SLC5A3: variants seen among roughly 807,000 people sequenced by gnomAD.
The protein encoded by SLC5A3 is sodium/myo-inositol cotransporter.
In SLC5A3, 10 loss-of-function variants were observed where a neutral mutation model predicts 43.2. The observed-to-expected ratio is 0.23, with a 90% confidence interval of 0.14 to 0.39. The LOEUF is 0.39. Ranked by LOEUF, SLC5A3 falls within the 10% of genes least tolerant of loss-of-function variation. The pLI, the probability that SLC5A3 is intolerant of heterozygous loss-of-function variation, is 1.00. For synonymous variants in SLC5A3, 349 were observed against 322.0 expected (o/e 1.08, Z -0.90); for missense variants, 608 against 893.4 (o/e 0.68, Z 4.07).
intron 1 of SLC5A3, among the ~76,000 whole-genome samples, chr21:34,091,797 C>T (rs1978707576): frequency 6.6e-6 from 1 of 152,214 alleles, no homozygotes; most frequent in Non-Finnish European, 1.5e-5. Context: ...TAAATCTGCT[C>T]ATCACCACTA....
chr21:34,075,544 CAAA>C (rs753570977), intron 1 of SLC5A3, among the ~76,000 whole-genome samples: 3 of 148,434 alleles, frequency 2.0e-5, no homozygotes, highest in Non-Finnish European at 4.5e-5. Context: ...GGAAGGGGGG[CAAA>C]AAAAAGAAAA....
Position 34,099,955 on chromosome 21 carries a change from C to A in SLC5A3, c.*2600C>A, listed in dbSNP as rs535887067. 22 of 442,706 alleles carry A rather than the reference C, an allele frequency of 5.0e-5. No homozygotes were observed. In the Admixed American group the frequency reaches 1.0e-3, roughly 21 times the overall value. The allele number at this position is 442,706 out of a possible 1,614,324, so 27.4% of individuals were successfully genotyped here. ...AGGGACCAGTCTTCAATCTATATTT[C>A]ATTAGAATGATTGTTCCTGGAATGA... is the stretch of plus-strand genomic sequence containing the variant. On this transcript the variant is annotated 3_prime_UTR_variant, in exon 2 of 2. Transcript: ENST00000381151.
rs1979286373 is a variant in SLC5A3, at chr21:34,102,455, A to G, written c.*5100A>G. 9 of 1,000,166 alleles carry G rather than the reference A, an allele frequency of 9.0e-6. No individual in the cohort carries two copies. The highest frequency in any genetic ancestry group is 1.7e-5 in the African/African-American group (1 of 57,358). The allele number at this position is 1,000,166 out of a possible 1,614,324, so 62.0% of individuals were successfully genotyped here. A position where few individuals can be genotyped will look rare whatever the true frequency, so the allele number is the denominator to read the frequency against. On this transcript the variant is annotated 3_prime_UTR_variant, in exon 2 of 2. Transcript: ENST00000381151. The stretch of plus-strand genomic sequence containing the variant: ...TTTGGGGTAAGCACCTAATTTATCC[A>G]GTAACCAACAACCCTAACCATTGGC...
Position 34,096,285 on chromosome 21 carries a change from C to T in SLC5A3, c.1087C>T (p.Leu363Phe). The T allele has an allele frequency of 6.2e-7, 1 of 1,614,134 alleles. No homozygotes were observed. The highest frequency in any genetic ancestry group is 8.5e-7 in the Non-Finnish European group (1 of 1,180,016). Residue 363 changes from leucine to phenylalanine, a missense_variant, in exon 2 of 2, where the codon CTT becomes TTT. By Grantham distance (22) the Leu-to-Phe change is conservative. Transcript: ENST00000381151. The surrounding 1 kb of genome is among the most constrained non-coding windows in gnomAD (Gnocchi z 5.9). ...RLVMKLVPVG[L>F]RGLMMAVMIA... ...GGTGATGAAGCTGGTTCCTGTGGGC[C>T]TTCGGGGTTTAATGATGGCAGTGAT...
chr21:34,095,213 G>C lies in SLC5A3; in HGVS notation c.15G>C (p.Leu5=). The change falls in exon 2 of 2, where the codon CTG becomes CTC. Residue 5 remains leucine, a synonymous_variant. Transcript: ENST00000381151. ...AAGTTACCAGAATGAGAGCTGTACT[G>C]GACACAGCAGACATTGCCATAGTGG... is the stretch of plus-strand genomic sequence containing the variant. The part of the protein sequence containing the change: MRAV[L]DTADIAIVAL... 6.2e-7 allele frequency: 1 copy of C among 1,610,506 alleles called. No homozygotes were observed. Among genetic ancestry groups the C allele is most frequent in the African/African-American group, 1.3e-5 (1 of 75,004 alleles).
intron 1 of SLC5A3, among the ~76,000 whole-genome samples, chr21:34,087,289 T>C (rs1419551220): frequency 1.8e-5 from 1 of 55,592 alleles, no homozygotes; most frequent in Non-Finnish European, 3.4e-5. Flanking sequence ...TTAATCTGCA[T>C]CTCTTGTTGC....
chr21:34,088,985 T>A (rs1276274542), intron 1 of SLC5A3, among the ~76,000 whole-genome samples: 2 of 152,168 alleles, frequency 1.3e-5, no homozygotes, highest in Non-Finnish European at 2.9e-5. Flanking sequence ...CACAAATGTT[T>A]GGTTAAGATT....
At position 34,105,335 on chromosome 21, in the gene SLC5A3, A is replaced by G; in HGVS notation, c.*7980A>G. ...TTTTCTTTTTGATAAGATGGATATC[A>G]AAAATAGTTGCTGTGCAAAAGTTAG... is the stretch of plus-strand genomic sequence containing the variant. On this transcript the variant is annotated 3_prime_UTR_variant, in exon 2 of 2. Coordinates refer to ENST00000381151, the MANE Select transcript of SLC5A3 (RefSeq NM_006933.7). 1.0e-6 allele frequency: 1 copy of G among 999,796 alleles called. No individual in the cohort carries two copies. Among genetic ancestry groups the G allele is most frequent in the Non-Finnish European group, 1.2e-6 (1 of 829,598 alleles). The allele number at this position is 999,796 out of a possible 1,614,324, so 61.9% of individuals were successfully genotyped here.
intron 1 of SLC5A3, among the ~76,000 whole-genome samples, chr21:34,074,329 TAAAA>T (rs991387476): frequency 1.3e-5 from 2 of 151,744 alleles, no homozygotes; most frequent in Admixed American, 6.6e-5. Context: ...GCTCTCATGT[TAAAA>T]AAAAATCTTT....
chr21:34,096,737 T>C lies in SLC5A3; in HGVS notation c.1539T>C (p.Tyr513=), dbSNP rs1466630949. 6.2e-7 allele frequency: 1 copy of C among 1,614,120 alleles called. No individual in the cohort carries two copies. Among genetic ancestry groups the C allele is most frequent in the East Asian group, 2.2e-5 (1 of 44,872 alleles). Residue 513 remains tyrosine, a synonymous_variant, in exon 2 of 2, where the codon TAT becomes TAC. Transcript: ENST00000381151. The surrounding 1 kb of genome is among the most constrained non-coding windows in gnomAD (Gnocchi z 5.9). ...PGFIKDIHYM[Y]VATGLFWVTG... ...TCATCAAAGACATCCATTATATGTA[T>C]GTGGCCACAGGATTGTTTTGGGTCA...
rs1488554318 is a variant in SLC5A3, at chr21:34,098,147, A to G, written c.*792A>G. On this transcript the variant is annotated 3_prime_UTR_variant, in exon 2 of 2. Transcript: ENST00000381151. Reference sequence around the variant, plus strand: ...CTGATGATCCCCATATTTATTGATCATATTAAGGTTGTTTATATAGTTTGG... The same window carrying G: ...CTGATGATCCCCATATTTATTGATCGTATTAAGGTTGTTTATATAGTTTGG... 1.3e-5 allele frequency: 13 copies of G among 1,000,018 alleles called. No individual in the cohort carries two copies. In the South Asian group the frequency reaches 1.9e-4, roughly 14 times the overall value. 61.9% of individuals were successfully genotyped at this position (1,000,018 alleles called of 1,614,324 possible). A position where few individuals can be genotyped will look rare whatever the true frequency, so the allele number is the denominator to read the frequency against.
At chr21:34,076,217 T>C (rs1989327589) in intron 1 of SLC5A3, among the ~76,000 whole-genome samples, 1 of 152,242 alleles carries the variant, frequency 6.6e-6, no homozygotes, top group South Asian at 2.1e-4. Flanking sequence ...TTCTCCGCAG[T>C]ACTCAGCCTG....
Position 34,102,970 on chromosome 21 carries a change from AAAAGAGTGT to A in SLC5A3, c.*5616_*5624del, listed in dbSNP as rs532819945. The A allele has an allele frequency of 5.0e-4, 497 of 999,844 alleles. No individual in the cohort carries two copies. The highest frequency in any genetic ancestry group is 5.9e-4 in the Non-Finnish European group (486 of 829,898). The allele number at this position is 999,844 out of a possible 1,614,324, so 61.9% of individuals were successfully genotyped here. ...ACCCTGTTTCCTAGTGCTGCTGGAT[AAAAGAGTGT>A]TTACTTTTTATTGCTCTTAGACAGA... On this transcript the variant is annotated 3_prime_UTR_variant, in exon 2 of 2. Coordinates refer to ENST00000381151, the MANE Select transcript of SLC5A3 (RefSeq NM_006933.7).
At chr21:34,079,625 T>A (rs1457908937) in intron 1 of SLC5A3, among the ~76,000 whole-genome samples, 6 of 145,244 alleles carry the variant, frequency 4.1e-5, no homozygotes, top group Admixed American at 4.1e-4. Flanking sequence ...TTTTTTTTTT[T>A]TTTTTTTTAG....
chr21:34,095,067 A>T lies in SLC5A3; in HGVS notation c.-132A>T. The T allele has an allele frequency of 9.6e-7, 1 of 1,038,278 alleles. No homozygotes were observed. The highest frequency in any genetic ancestry group is 1.3e-6 in the Non-Finnish European group (1 of 790,950). The allele number at this position is 1,038,278 out of a possible 1,614,324, so 64.3% of individuals were successfully genotyped here. A position where few individuals can be genotyped will look rare whatever the true frequency, so the allele number is the denominator to read the frequency against. ...CAAGACAGCAAACCAAAGGACAAAG[A>T]CTTTGACCCTGCTGTGTTGCTCTGT... On this transcript the variant is annotated 5_prime_UTR_variant, in exon 2 of 2. Transcript: ENST00000381151.
chr21:34,087,104 T>G (rs1306025310), intron 1 of SLC5A3, among the ~76,000 whole-genome samples: 1 of 152,144 alleles, frequency 6.6e-6, no homozygotes, highest in Non-Finnish European at 1.5e-5. Flanking sequence ...TTGAGGGAGA[T>G]GGTGGCTCCA....
chr21:34,095,426 A>G lies in SLC5A3; in HGVS notation c.228A>G (p.Gly76=). The G allele has an allele frequency of 6.2e-7, 1 of 1,614,052 alleles. No homozygotes were observed. Among genetic ancestry groups the G allele is most frequent in the Non-Finnish European group, 8.5e-7 (1 of 1,179,988 alleles). The part of the protein sequence containing the change: ...IGLAGSGAAS[G]FAVGAWEFNA... ...TGGCAGGATCTGGAGCTGCAAGTGG[A>G]TTTGCAGTGGGCGCATGGGAATTCA... The change falls in exon 2 of 2, where the codon GGA becomes GGG. Residue 76 remains glycine (G), a synonymous_variant. Transcript: ENST00000381151.
intron 1 of SLC5A3, among the ~76,000 whole-genome samples, chr21:34,089,514 T>A (rs1004423751): frequency 6.6e-6 from 1 of 152,110 alleles, no homozygotes; most frequent in African/African-American, 2.4e-5. Context: ...GCCAAACTTA[T>A]TGGTAGAATC....
chr21:34,090,135 A>G (rs1008908763), intron 1 of SLC5A3, among the ~76,000 whole-genome samples: 1 of 152,198 alleles, frequency 6.6e-6, no homozygotes, highest in African/African-American at 2.4e-5. Flanking sequence ...GGGATACTTA[A>G]TCTGTAGTGT....
Sources: allele counts gnomAD v4.1 joint callset (sites outside exome capture counted in the v4.1 genomes callset), GRCh38; gene constraint gnomAD v4.1.1; non-coding constraint Gnocchi (gnomAD v3.1); transcripts MANE v1.5; gene names NCBI Gene and HGNC (gene_info 2026-07-23, HGNC 2026-07-21).